Variants in SPIDR observed in about 807,000 individuals in gnomAD.
SPIDR encodes the protein scaffold protein involved in DNA repair, also known as DNA repair-scaffolding protein.
SPIDR carries 93 observed loss-of-function variants against 104.6 expected under a neutral mutation model. The observed-to-expected ratio is 0.89, with a 90% CI of 0.75 to 1.06. The LOEUF (loss-of-function observed/expected upper bound fraction) is 1.06, where lower values mean the gene tolerates loss of function less well. Among genes scored for constraint, SPIDR ranks in the 50% least tolerant of loss-of-function variants. The probability of loss-of-function intolerance (pLI) is 0.00; values close to 1 mark genes in which losing one functional copy is unlikely to be tolerated. For synonymous variants in SPIDR, 431 were observed against 416.9 expected (o/e 1.03, Z -0.41); for missense variants, 1,154 against 1,111.2 (o/e 1.04, Z -0.55).
At chr8:47,597,021 T>G (rs1287012732) in intron 9 of SPIDR, among the ~76,000 whole-genome samples, 1 of 152,172 alleles carries the variant, frequency 6.6e-6, no homozygotes, top group Non-Finnish European at 1.5e-5. Flanking sequence ...AACAATGCCT[T>G]CTTCTGGATA....
At chr8:47,328,193 T>C (rs1379147054) in intron 5 of SPIDR, among the ~76,000 whole-genome samples, 10 of 152,108 alleles carry the variant, frequency 6.6e-5, no homozygotes, top group Non-Finnish European at 1.5e-4. Context: ...GTTTTTGCTC[T>C]TCTATTTAGG....
intron 7 of SPIDR, among the ~76,000 whole-genome samples, chr8:47,420,171 G>T (rs1443006849): frequency 6.6e-6 from 1 of 152,134 alleles, no homozygotes; most frequent in Non-Finnish European, 1.5e-5. Flanking sequence ...GGGTATCCTT[G>T]TTAACTTTGT....
intron 7 of SPIDR, among the ~76,000 whole-genome samples, chr8:47,412,507 G>A (rs1318940726): frequency 1.3e-5 from 2 of 152,148 alleles, no homozygotes; most frequent in African/African-American, 4.8e-5. Context: ...TTTACCAGAA[G>A]TGCCCAAAAT....
At chr8:47,362,311 A>T (rs564557128) in intron 5 of SPIDR, among the ~76,000 whole-genome samples, 1 of 152,198 alleles carries the variant, frequency 6.6e-6, no homozygotes. Context: ...TTAGCCGCAG[A>T]GTTGAAAACT....
At chr8:47,428,719 C>T (rs2066842494) in intron 7 of SPIDR, among the ~76,000 whole-genome samples, 1 of 152,116 alleles carries the variant, frequency 6.6e-6, no homozygotes, top group African/African-American at 2.4e-5. Flanking sequence ...AAAATTTGTC[C>T]TTAAACTTCT....
intron 8 of SPIDR, among the ~76,000 whole-genome samples, chr8:47,520,590 T>G (rs1356375023): frequency 6.6e-6 from 1 of 152,228 alleles, no homozygotes; most frequent in African/African-American, 2.4e-5. Flanking sequence ...GGCATGAAAA[T>G]TCTTAACTTA....
At chr8:47,383,858 T>G (rs1833942468) in intron 5 of SPIDR, among the ~76,000 whole-genome samples, 1 of 152,214 alleles carries the variant, frequency 6.6e-6, no homozygotes, top group Non-Finnish European at 1.5e-5. Context: ...CTTGCCATTT[T>G]GATTATTTGC....
intron 5 of SPIDR, among the ~76,000 whole-genome samples, chr8:47,351,533 G>A (rs1554622391): frequency 6.6e-6 from 1 of 152,124 alleles, no homozygotes; most frequent in East Asian, 1.9e-4. Context: ...ATGATACCTA[G>A]AACTTAACTT....
At chr8:47,507,233 G>A (rs969825621) in intron 8 of SPIDR, among the ~76,000 whole-genome samples, 3 of 152,200 alleles carry the variant, frequency 2.0e-5, no homozygotes, top group Non-Finnish European at 4.4e-5. Flanking sequence ...GTAGAGGCTT[G>A]TACTGCAAGC....
intron 8 of SPIDR, among the ~76,000 whole-genome samples, chr8:47,576,086 G>A (rs997825601): frequency 2.7e-5 from 4 of 150,670 alleles, no homozygotes; most frequent in South Asian, 2.1e-4. Flanking sequence ...ATTATAAATC[G>A]AATATCTTTG....
intron 8 of SPIDR, among the ~76,000 whole-genome samples, chr8:47,485,860 C>T (rs2077530626): frequency 6.6e-6 from 1 of 152,168 alleles, no homozygotes; most frequent in Non-Finnish European, 1.5e-5. Flanking sequence ...ACATCATCAT[C>T]ATCAAAGACC....
chr8:47,662,482 C>T (rs2154464053), intron 10 of SPIDR, among the ~76,000 whole-genome samples: 1 of 152,288 alleles, frequency 6.6e-6, no homozygotes, highest in African/African-American at 2.4e-5. Flanking sequence ...TTCACTCCTT[C>T]CTCTCAGGCA....
chr8:47,654,410 G>A (rs1046402199), intron 10 of SPIDR, among the ~76,000 whole-genome samples: 18 of 152,170 alleles, frequency 1.2e-4, no homozygotes, highest in Admixed American at 6.5e-5. Context: ...GTACTTCCAG[G>A]TTTTGAGACT....
chr8:47,647,999 G>T (rs1426036266), intron 10 of SPIDR, among the ~76,000 whole-genome samples: 1 of 152,170 alleles, frequency 6.6e-6, no homozygotes, highest in Non-Finnish European at 1.5e-5. Context: ...TCGTGAGGAG[G>T]TCTAGAAAGC....
intron 18 of SPIDR, 47 bp downstream of exon 18, chr8:47,729,094 A>G: frequency 6.2e-7 from 1 of 1,603,952 alleles, no homozygotes; most frequent in Non-Finnish European, 8.5e-7. Flanking sequence ...TCACTCCAAC[A>G]TAGCGAAGGT....
chr8:47,643,916 A>G (rs183790123), intron 10 of SPIDR, among the ~76,000 whole-genome samples: 2 of 152,324 alleles, frequency 1.3e-5, no homozygotes, highest in Non-Finnish European at 1.5e-5. Context: ...TTGTTCAAGT[A>G]GATACACCTT....
intron 10 of SPIDR, among the ~76,000 whole-genome samples, chr8:47,649,710 CAAAT>C (rs903232523): frequency 7.9e-5 from 12 of 151,932 alleles, no homozygotes; most frequent in African/African-American, 2.4e-4. Flanking sequence ...AAGTTACCCT[CAAAT>C]AATTCAGGGG....
chr8:47,298,296 G>C (rs1586547417), intron 5 of SPIDR, among the ~76,000 whole-genome samples: 1 of 152,138 alleles, frequency 6.6e-6, no homozygotes, highest in East Asian at 1.9e-4. Context: ...CCCACTTTTT[G>C]ATGGGGTTGT....
chr8:47,563,448 A>G (rs2057341267), intron 8 of SPIDR, among the ~76,000 whole-genome samples: 1 of 152,028 alleles, frequency 6.6e-6, no homozygotes, highest in African/African-American at 2.4e-5. Flanking sequence ...TTGGGATTAT[A>G]CAGGTGTGAG....
Sources: allele counts gnomAD v4.1 joint callset (sites outside exome capture counted in the v4.1 genomes callset), GRCh38; gene constraint gnomAD v4.1.1; transcripts MANE v1.5; gene names NCBI Gene and HGNC (gene_info 2026-07-23, HGNC 2026-07-21).